SPECC1L: variants seen among roughly 807,000 people sequenced by gnomAD.
SPECC1L encodes sperm antigen with calponin homology and coiled-coil domains 1 like.
In SPECC1L, 40 loss-of-function variants were observed where a neutral mutation model predicts 116.8. That is an observed-to-expected ratio of 0.34 (90% CI 0.27 to 0.45). The LOEUF (loss-of-function observed/expected upper bound fraction) is 0.45. Ranked by LOEUF, SPECC1L falls within the 20% of genes least tolerant of loss-of-function variation. The pLI, the probability that SPECC1L is intolerant of heterozygous loss-of-function variation, is 1.00. For missense variants in SPECC1L, 1,110 were observed against 1,373.6 expected (o/e 0.81, Z 3.03); for synonymous variants, 504 against 500.6 (o/e 1.01, Z -0.09).
chr22:24,403,717 AAT>A (rs1163480298), intron 14 of SPECC1L, among the ~76,000 whole-genome samples: 1 of 152,246 alleles, frequency 6.6e-6, no homozygotes, highest in Admixed American at 6.5e-5. Context: ...ACTTTTACTA[AAT>A]AGAAATGCTA....
intron 16 of SPECC1L, among the ~76,000 whole-genome samples, chr22:24,413,532 T>A (rs1320199367): frequency 6.6e-6 from 1 of 152,146 alleles, no homozygotes; most frequent in African/African-American, 2.4e-5. Flanking sequence ...CTGGAGGTGC[T>A]GTGAAGAAGT....
At chr22:24,305,513 G>T (rs2049475014) in intron 3 of SPECC1L, among the ~76,000 whole-genome samples, 1 of 151,782 alleles carries the variant, frequency 6.6e-6, no homozygotes. Context: ...TTGTTGGTTA[G>T]TAATCCATGG....
rs1344527253 is a variant in SPECC1L, at chr22:24,416,135, G to A, written c.*1512G>A. Reference sequence around the variant, plus strand: ...CATTCAAGCACGATGTTCTAGAATAGGAGTTTAACGTGTCTACGTAACCTA... The same window carrying A: ...CATTCAAGCACGATGTTCTAGAATAAGAGTTTAACGTGTCTACGTAACCTA... On this transcript the variant is annotated 3_prime_UTR_variant, in exon 17 of 17. Transcript: ENST00000314328. 1 of 152,236 alleles carries A rather than the reference G, an allele frequency of 6.6e-6. No individual in the cohort carries two copies. Among genetic ancestry groups the A allele is most frequent in the African/African-American group, 2.4e-5 (1 of 41,454 alleles). The allele number at this position is 152,236 out of a possible 1,614,324, so 9.4% of individuals were successfully genotyped here.
rs1309142100 is a variant in SPECC1L at position 24,416,591 on chromosome 22, TC to T, written c.*1969del. 2.0e-5 allele frequency: 3 copies of T among 152,398 alleles called. No individual in the cohort carries two copies. The East Asian group carries it at 5.8e-4, about 29-fold the overall frequency. The allele number at this position is 152,398 out of a possible 1,614,324, so 9.4% of individuals were successfully genotyped here. A position where few individuals can be genotyped will look rare whatever the true frequency, so the allele number is the denominator to read the frequency against. On this transcript the variant is annotated 3_prime_UTR_variant, in exon 17 of 17. Transcript: ENST00000314328. ...CACTCCACCTGTCCGGATCCAGCTG[TC>T]TGGTCATGGTTTGGTTTATTTATTT...
intron 3 of SPECC1L, among the ~76,000 whole-genome samples, chr22:24,313,096 C>T (rs947217066): frequency 2.0e-5 from 3 of 152,064 alleles, no homozygotes; most frequent in Admixed American, 6.6e-5. Flanking sequence ...ATTACATGTA[C>T]GAGTTTATTA....
intron 2 of SPECC1L, among the ~76,000 whole-genome samples, chr22:24,282,108 G>T (rs891271139): frequency 2.6e-5 from 4 of 152,182 alleles, no homozygotes; most frequent in Admixed American, 2.6e-4. Context: ...TCCGTTCCTG[G>T]GTGGGGGCCA....
At chr22:24,391,265 A>G (rs183198397) in intron 14 of SPECC1L, among the ~76,000 whole-genome samples, 1 of 152,280 alleles carries the variant, frequency 6.6e-6, no homozygotes, top group Admixed American at 6.5e-5. Flanking sequence ...TTTTCAGGGC[A>G]TTCCTTTTAA....
chr22:24,412,039 C>T, intron 15 of SPECC1L: 1 of 414,958 alleles, frequency 2.4e-6, no homozygotes, highest in South Asian at 2.1e-5. Context: ...GCAGTGCTGA[C>T]CAGGCCAGGC....
chr22:24,398,234 G>A (rs1276058429), intron 14 of SPECC1L, among the ~76,000 whole-genome samples: 1 of 152,234 alleles, frequency 6.6e-6, no homozygotes, highest in Admixed American at 6.5e-5. Context: ...AGCAGGGATC[G>A]GGGGAGAAGA....
At chr22:24,407,178 G>A (rs1026544483) in intron 14 of SPECC1L, among the ~76,000 whole-genome samples, 1 of 152,236 alleles carries the variant, frequency 6.6e-6, no homozygotes, top group Non-Finnish European at 1.5e-5. Flanking sequence ...CCCCCAGCTA[G>A]CCTTCTTTTG....
intron 8 of SPECC1L, among the ~76,000 whole-genome samples, chr22:24,333,215 G>T (rs557388390): frequency 1.9e-4 from 29 of 152,150 alleles, no homozygotes; most frequent in African/African-American, 7.0e-4. Flanking sequence ...CAACAAGAGC[G>T]AAACTCCATC....
chr22:24,322,321 G>C lies in SPECC1L; in HGVS notation c.1341G>C (p.Glu447Asp). 1.9e-6 allele frequency: 3 copies of C among 1,614,222 alleles called. No individual in the cohort carries two copies. Among genetic ancestry groups the C allele is most frequent in the Non-Finnish European group, 2.5e-6 (3 of 1,180,030 alleles). Residue 447 changes from glutamate to aspartate, a missense_variant, in exon 5 of 17, where the codon GAG becomes GAC. Glu to Asp is a conservative substitution (Grantham distance 45). Transcript: ENST00000314328. ...RLGEEKVILM[E>D]SLCQQSDKLE... ...GAGAAGAGAAGGTTATTCTGATGGA[G>C]TCTTTATGTCAGCAGAGCGATAAGT...
At chr22:24,287,224 C>A (rs1468704430) in intron 2 of SPECC1L, among the ~76,000 whole-genome samples, 1 of 151,948 alleles carries the variant, frequency 6.6e-6, no homozygotes, top group Non-Finnish European at 1.5e-5. Context: ...TATGTGTGCA[C>A]GTAAAATGGA....
At chr22:24,286,929 T>G (rs1338549459) in intron 2 of SPECC1L, among the ~76,000 whole-genome samples, 1 of 152,156 alleles carries the variant, frequency 6.6e-6, no homozygotes, top group Admixed American at 6.5e-5. Context: ...AAATTAAAAA[T>G]AAGTAAATGT....
intron 6 of SPECC1L, among the ~76,000 whole-genome samples, chr22:24,325,244 A>G (rs1460726273): frequency 1.3e-5 from 2 of 152,234 alleles, no homozygotes. Context: ...CAGTAGGAAC[A>G]CTGAAGAGGA....
rs2040748761 is a variant in SPECC1L, at chr22:24,322,911, TTGC to T, written c.1933_1935del (p.Ala645del). The T allele has an allele frequency of 6.2e-7, 1 of 1,613,818 alleles. No individual in the cohort carries two copies. The highest frequency in any genetic ancestry group is 8.5e-7 in the Non-Finnish European group (1 of 1,179,862). ...GATGCCAATCGATTACAGGATGCCA[TTGC>T]TAAGGTATTGTTTAAATAGATTAAA... On this transcript the variant is annotated inframe_deletion, in exon 5 of 17. Transcript: ENST00000314328.
At chr22:24,276,262 G>A (rs892817280) in intron 1 of SPECC1L, among the ~76,000 whole-genome samples, 4 of 152,074 alleles carry the variant, frequency 2.6e-5, no homozygotes, top group African/African-American at 9.6e-5. Flanking sequence ...AGAACTTAAA[G>A]TATAATAAAA....
intron 1 of SPECC1L, among the ~76,000 whole-genome samples, chr22:24,272,322 G>T (rs1246502996): frequency 3.3e-5 from 5 of 152,120 alleles, no homozygotes; most frequent in Non-Finnish European, 7.4e-5. Flanking sequence ...CCGAGTTCGC[G>T]CCACTGTACC....
At chr22:24,378,509 T>C (rs923100911) in intron 14 of SPECC1L, among the ~76,000 whole-genome samples, 5 of 152,270 alleles carry the variant, frequency 3.3e-5, no homozygotes, top group African/African-American at 1.2e-4. Flanking sequence ...GGCCTAACTT[T>C]CAGCCTTTTG....
Sources: allele counts gnomAD v4.1 joint callset (sites outside exome capture counted in the v4.1 genomes callset), GRCh38; gene constraint gnomAD v4.1.1; transcripts MANE v1.5; gene names NCBI Gene and HGNC (gene_info 2026-07-23, HGNC 2026-07-21).